Variants in GRIK3 observed in about 807,000 individuals in gnomAD.
GRIK3 encodes the protein glutamate receptor ionotropic, kainate 3.
In GRIK3, 29 loss-of-function variants were observed where a neutral mutation model predicts 102.5. The observed-to-expected ratio is 0.28, with a 90% CI of 0.21 to 0.39. GRIK3 has a LOEUF of 0.39. Among genes scored for constraint, GRIK3 ranks in the 10% least tolerant of loss-of-function variants. GRIK3 has a pLI of 1.00. For synonymous variants in GRIK3, 511 were observed against 504.9 expected, an observed-to-expected ratio of 1.01 and a Z score of -0.16; for missense variants, 908 against 1,252.4, an observed-to-expected ratio of 0.73 and a Z score of 4.15.
chr1:36,969,931 T>C (rs1355322784), intron 1 of GRIK3, among the ~76,000 whole-genome samples: 1 of 152,200 alleles, frequency 6.6e-6, no homozygotes, highest in African/African-American at 2.4e-5. Flanking sequence ...AAAATGGCAA[T>C]ATGAAATACT....
chr1:36,906,587 CTT>C (rs1641287142), intron 1 of GRIK3, among the ~76,000 whole-genome samples: 1 of 152,212 alleles, frequency 6.6e-6, no homozygotes, highest in African/African-American at 2.4e-5. Flanking sequence ...GGTTGACAAA[CTT>C]TGTCTGCAAA....
chr1:37,009,748 A>G (rs1642569701), intron 1 of GRIK3, among the ~76,000 whole-genome samples: 1 of 152,206 alleles, frequency 6.6e-6, no homozygotes, highest in South Asian at 2.1e-4. Flanking sequence ...AATGCATCGC[A>G]TCATAGCTAA....
rs751867921 is a variant in GRIK3, at chr1:36,880,588, C to CCCCCCTCA, written c.550+38_550+45dup. On this transcript the variant is annotated intron_variant, in intron 3 of 15. Coordinates refer to ENST00000373091, the MANE Select transcript of GRIK3 (RefSeq NM_000831.4). This position sits in a 1 kb window ranked among gnomAD's most constrained non-coding sequence, Gnocchi z 5.4. Reference sequence around the variant, plus strand: ...ACAAGAGCTTGATCCTGGGCCTCTGCCCCCCTCAACCGTTGCCCCCAGCCT... The same window carrying CCCCCCTCA: ...ACAAGAGCTTGATCCTGGGCCTCTGCCCCCCTCACCCCCTCAACCGTTGCCCCCAGCCT... 6.3e-7 allele frequency: 1 copy of CCCCCCTCA among 1,585,058 alleles called. No individual in the cohort carries two copies. The highest frequency in any genetic ancestry group is 1.7e-5 in the Admixed American group (1 of 59,736).
chr1:36,797,873 G>T lies in GRIK3; in HGVS notation c.*3978C>A. On this transcript the variant is annotated 3_prime_UTR_variant, in exon 16 of 16. Transcript: ENST00000373091. ...GTTCTTGGTGAGTGCACGCCTGGTG[G>T]AGGGGAGCAACTTCTAACCTGTTTG... 1 of 152,534 alleles carries T rather than the reference G, an allele frequency of 6.6e-6. No individual in the cohort carries two copies. Among genetic ancestry groups the T allele is most frequent in the Non-Finnish European group, 1.5e-5 (1 of 68,144 alleles). The allele number at this position is 152,534 out of a possible 1,614,324, so 9.4% of individuals were successfully genotyped here. A position where few individuals can be genotyped will look rare whatever the true frequency, so the allele number is the denominator to read the frequency against.
At chr1:36,854,145 G>A (rs1570761406) in intron 7 of GRIK3, among the ~76,000 whole-genome samples, 1 of 152,136 alleles carries the variant, frequency 6.6e-6, no homozygotes, top group Non-Finnish European at 1.5e-5. Flanking sequence ...ATAGCCCCCC[G>A]AAAGGCAGGG....
chr1:36,896,814 T>G (rs1288721097), intron 1 of GRIK3, among the ~76,000 whole-genome samples: 2 of 151,976 alleles, frequency 1.3e-5, no homozygotes, highest in Non-Finnish European at 2.9e-5. Flanking sequence ...AATGAACAAA[T>G]GAAAAATTTA....
intron 1 of GRIK3, among the ~76,000 whole-genome samples, chr1:36,967,693 G>T (rs956410937): frequency 3.9e-5 from 6 of 152,226 alleles, no homozygotes. Flanking sequence ...GAAGGGCAGA[G>T]GGTTAAGATA....
At chr1:36,884,416 C>A (rs557985575) in intron 2 of GRIK3, among the ~76,000 whole-genome samples, 39 of 152,328 alleles carry the variant, frequency 2.6e-4, no homozygotes, top group African/African-American at 9.4e-4. Context: ...CCCATTCGTG[C>A]TATTCTTCTG....
At chr1:36,931,302 C>T (rs992380384) in intron 1 of GRIK3, among the ~76,000 whole-genome samples, 4 of 152,176 alleles carry the variant, frequency 2.6e-5, no homozygotes, top group Admixed American at 6.5e-5. Flanking sequence ...AGCTCCCTCT[C>T]GGCCCAGCCT....
chr1:36,977,617 G>C (rs1642208150), intron 1 of GRIK3, among the ~76,000 whole-genome samples: 1 of 152,210 alleles, frequency 6.6e-6, no homozygotes, highest in Non-Finnish European at 1.5e-5. Flanking sequence ...TCTTAGGGGA[G>C]GGGGCTGGAG....
At chr1:36,916,347 A>G (rs1157524751) in intron 1 of GRIK3, among the ~76,000 whole-genome samples, 1 of 152,232 alleles carries the variant, frequency 6.6e-6, no homozygotes, top group Non-Finnish European at 1.5e-5. Flanking sequence ...GCCTGACAAC[A>G]TGATGGAAAA....
chr1:37,012,709 C>A (rs941970054), intron 1 of GRIK3, among the ~76,000 whole-genome samples: 2 of 152,234 alleles, frequency 1.3e-5, no homozygotes, highest in African/African-American at 4.8e-5. Flanking sequence ...AGGAATGATT[C>A]ACCTCCAGAT....
chr1:36,853,465 G>A, intron 8 of GRIK3, 150 bp downstream of exon 8: 1 of 602,298 alleles, frequency 1.7e-6, no homozygotes, highest in Non-Finnish European at 3.0e-6. Context: ...GCCCCCAAGA[G>A]CTACAGGCTA....
At chr1:36,841,654 C>T in intron 10 of GRIK3, 82 bp downstream of exon 10, 1 of 1,219,248 alleles carries the variant, frequency 8.2e-7, no homozygotes, top group South Asian at 1.2e-5. Flanking sequence ...TTCTGCCAGG[C>T]TGCCCAGCCC....
intron 1 of GRIK3, among the ~76,000 whole-genome samples, chr1:36,963,917 C>T (rs1481642278): frequency 6.6e-6 from 1 of 152,178 alleles, no homozygotes; most frequent in African/African-American, 2.4e-5. Flanking sequence ...TCCATTTGTC[C>T]ATCATCCCCA....
chr1:36,905,380 T>G (rs1037066684), intron 1 of GRIK3, among the ~76,000 whole-genome samples: 6 of 151,440 alleles, frequency 4.0e-5, no homozygotes, highest in Admixed American at 2.0e-4. Context: ...GGACACACAC[T>G]AAAATGTTAA....
chr1:36,825,989 C>T (rs1642751508), intron 10 of GRIK3, among the ~76,000 whole-genome samples, 163 bp from the exon 11 acceptor site: 1 of 152,168 alleles, frequency 6.6e-6, no homozygotes, highest in Non-Finnish European at 1.5e-5. Flanking sequence ...TCCTTCAGGG[C>T]CAGCTCAGGG....
intron 10 of GRIK3, among the ~76,000 whole-genome samples, chr1:36,835,477 C>A (rs955892894): frequency 6.6e-6 from 1 of 152,172 alleles, no homozygotes; most frequent in African/African-American, 2.4e-5. Context: ...CATTAGTCAC[C>A]CTCTATGGCA....
chr1:36,903,067 G>T (rs1410248922), intron 1 of GRIK3, among the ~76,000 whole-genome samples: 3 of 152,142 alleles, frequency 2.0e-5, no homozygotes, highest in Non-Finnish European at 2.9e-5. Flanking sequence ...TGGGATTACC[G>T]TGAGCCACCA....
Sources: allele counts gnomAD v4.1 joint callset (sites outside exome capture counted in the v4.1 genomes callset), GRCh38; gene constraint gnomAD v4.1.1; non-coding constraint Gnocchi (gnomAD v3.1); transcripts MANE v1.5; gene names NCBI Gene and HGNC (gene_info 2026-07-23, HGNC 2026-07-21).